Variants in WDPCP observed in about 807,000 individuals in gnomAD.
The protein encoded by WDPCP is WD repeat containing planar cell polarity effector.
Under a neutral mutation model 93.1 loss-of-function variants are expected in WDPCP, and 71 were observed. That is an observed-to-expected ratio of 0.76 (90% CI 0.63 to 0.93). WDPCP has a LOEUF of 0.93. WDPCP is among the 40% of genes least tolerant of loss of function. The probability of loss-of-function intolerance (pLI) is 0.00; values close to 1 mark genes in which losing one functional copy is unlikely to be tolerated. For missense variants in WDPCP, 844 were observed against 887.4 expected (o/e 0.95, Z 0.62); for synonymous variants, 315 against 315.0 (o/e 1.00, Z 0.00).
intron 14 of WDPCP, among the ~76,000 whole-genome samples, chr2:63,209,067 C>G (rs1676556044): frequency 6.6e-6 from 1 of 152,190 alleles, no homozygotes; most frequent in South Asian, 2.1e-4. Context: ...CTACTCTCCC[C>G]ATACTGGGCC....
At chr2:63,478,307 T>C (rs991199496) in intron 6 of WDPCP, among the ~76,000 whole-genome samples, 1 of 151,962 alleles carries the variant, frequency 6.6e-6, no homozygotes, top group African/African-American at 2.4e-5. Flanking sequence ...AAAGAAACAG[T>C]GGATTTAAGC....
intron 3 of WDPCP, among the ~76,000 whole-genome samples, chr2:63,640,577 T>A (rs532912117): frequency 3.3e-5 from 5 of 152,328 alleles, no homozygotes; most frequent in African/African-American, 1.2e-4. Flanking sequence ...TGAACAAACT[T>A]AGATGTCCTT....
intron 12 of WDPCP, among the ~76,000 whole-genome samples, chr2:63,335,150 A>C (rs1324099661): frequency 6.6e-6 from 1 of 152,182 alleles, no homozygotes. Context: ...TCAAAGACTC[A>C]AAAGAATGCA....
At chr2:63,716,356 A>T (rs1459537880) in intron 2 of WDPCP, among the ~76,000 whole-genome samples, 2 of 152,200 alleles carry the variant, frequency 1.3e-5, no homozygotes, top group African/African-American at 4.8e-5. Flanking sequence ...TCACTATTGC[A>T]GTAAGCTCCT....
At chr2:63,493,362 T>C (rs1034137002) in intron 1 of WDPCP, among the ~76,000 whole-genome samples, 24 of 152,272 alleles carry the variant, frequency 1.6e-4, no homozygotes, top group Admixed American at 5.2e-4. Context: ...ATAAAGCAAA[T>C]ATTTACAATA....
chr2:63,353,599 G>C (rs1318487538), intron 12 of WDPCP, among the ~76,000 whole-genome samples: 1 of 152,168 alleles, frequency 6.6e-6, no homozygotes, highest in East Asian at 1.9e-4. Context: ...CAGCACAGCT[G>C]CTCTACCAAA....
At chr2:63,580,220 T>C (rs1207208548) in intron 1 of WDPCP, among the ~76,000 whole-genome samples, 1 of 152,140 alleles carries the variant, frequency 6.6e-6, no homozygotes, top group Non-Finnish European at 1.5e-5. Flanking sequence ...ATTTACTAAG[T>C]GGTGAAAAAA....
chr2:63,305,542 C>T (rs1456105011), intron 13 of WDPCP, among the ~76,000 whole-genome samples: 1 of 152,118 alleles, frequency 6.6e-6, no homozygotes, highest in Non-Finnish European at 1.5e-5. Flanking sequence ...ACAAAAACCC[C>T]ATCCAAAGGT....
chr2:63,797,501 C>CTTG (rs1161138107), intron 2 of WDPCP, among the ~76,000 whole-genome samples: 20 of 151,882 alleles, frequency 1.3e-4, no homozygotes, highest in African/African-American at 4.8e-4. Context: ...TCACCACAAA[C>CTTG]TGACCAAAGA....
intron 14 of WDPCP, among the ~76,000 whole-genome samples, chr2:63,254,612 T>C (rs1680991232): frequency 6.6e-6 from 1 of 152,150 alleles, no homozygotes; most frequent in Admixed American, 6.5e-5. Context: ...TTTCTTCCAA[T>C]GATAATATTT....
At chr2:63,268,534 A>G (rs1399320422) in intron 13 of WDPCP, among the ~76,000 whole-genome samples, 18 of 152,162 alleles carry the variant, frequency 1.2e-4, no homozygotes. Flanking sequence ...TGGCACAACC[A>G]TGGCTCATTG....
chr2:63,588,105 A>T, intron 1 of WDPCP, 92 bp downstream of exon 1: 1 of 1,430,106 alleles, frequency 7.0e-7, no homozygotes. Flanking sequence ...AGGCATCCGC[A>T]CAGCGGATAA....
At chr2:63,356,170 A>G (rs917615730) in intron 12 of WDPCP, among the ~76,000 whole-genome samples, 2 of 152,228 alleles carry the variant, frequency 1.3e-5, no homozygotes, top group Non-Finnish European at 2.9e-5. Flanking sequence ...AATGATCAAA[A>G]AAGACAAAGA....
At chr2:63,806,252 T>A (rs1670761024) in intron 2 of WDPCP, among the ~76,000 whole-genome samples, 1 of 152,046 alleles carries the variant, frequency 6.6e-6, no homozygotes, top group Admixed American at 6.6e-5. Context: ...AGAGAGAAAT[T>A]TTAAAGCCAG....
At chr2:63,656,526 T>C (rs1225360413) in intron 2 of WDPCP, among the ~76,000 whole-genome samples, 1 of 152,092 alleles carries the variant, frequency 6.6e-6, no homozygotes, top group Non-Finnish European at 1.5e-5. Flanking sequence ...CACACAAACA[T>C]TGGGATATAT....
At chr2:63,814,446 T>A (rs1007470721) in intron 1 of WDPCP, among the ~76,000 whole-genome samples, 1 of 152,090 alleles carries the variant, frequency 6.6e-6, no homozygotes, top group Admixed American at 6.6e-5. Context: ...ATCTTGTGAC[T>A]ATGAAGAGAA....
At chr2:63,595,646 CACTGTTTATT>C (rs1709296123) in intron 3 of WDPCP, 1 of 646,132 alleles carries the variant, frequency 1.5e-6, no homozygotes, top group African/African-American at 1.8e-5. Context: ...TTTGAACTAC[CACTGTTTATT>C]AACTACTTAT....
intron 14 of WDPCP, among the ~76,000 whole-genome samples, chr2:63,201,306 C>T (rs1675897180): frequency 6.6e-6 from 1 of 152,118 alleles, no homozygotes. Context: ...GTCAATTAAA[C>T]CTATTTTCTT....
chr2:63,419,625 C>T (rs183430169), intron 9 of WDPCP, among the ~76,000 whole-genome samples: 51 of 152,188 alleles, frequency 3.4e-4, no homozygotes, highest in South Asian at 1.2e-3. Context: ...GAAAAATAAT[C>T]AGTCAACATG....
Sources: allele counts gnomAD v4.1 joint callset (sites outside exome capture counted in the v4.1 genomes callset), GRCh38; gene constraint gnomAD v4.1.1; transcripts MANE v1.5; gene names NCBI Gene and HGNC (gene_info 2026-07-23, HGNC 2026-07-21).